Variants in RPS6KC1 observed in about 807,000 individuals in gnomAD.
The protein encoded by RPS6KC1 is inactive ribosomal protein S6 kinase delta-1.
In RPS6KC1, 54 loss-of-function variants were observed where a neutral mutation model predicts 103.8. The observed-to-expected ratio is 0.52, with a 90% confidence interval of 0.42 to 0.65. The LOEUF (loss-of-function observed/expected upper bound fraction) is 0.65. Among genes scored for constraint, RPS6KC1 ranks in the 30% least tolerant of loss-of-function variants. The pLI is 0.00. For missense variants in RPS6KC1, 1,151 were observed against 1,253.8 expected (o/e 0.92, Z 1.24); for synonymous variants, 439 against 438.7 (o/e 1.00, Z -0.01).
At chr1:213,505,189 A>G in the RPS6KC1 span, among the ~76,000 whole-genome samples, 2 of 152,100 alleles carry the variant, frequency 1.3e-5, no homozygotes, top group Non-Finnish European at 2.9e-5. Flanking sequence ...ACTCTCTCCA[A>G]TTCAGGACTG....
chr1:213,412,645 C>T, the RPS6KC1 span, among the ~76,000 whole-genome samples: 1 of 152,240 alleles, frequency 6.6e-6, no homozygotes, highest in South Asian at 2.1e-4. Flanking sequence ...GACTTTCAAT[C>T]TGGGGAGAGC....
the RPS6KC1 span, among the ~76,000 whole-genome samples, chr1:213,331,929 G>A: frequency 1.3e-5 from 2 of 151,476 alleles, no homozygotes; most frequent in African/African-American, 4.9e-5. Flanking sequence ...CTGTTTTTGT[G>A]GATCTTCCCC....
chr1:213,405,010 C>T, the RPS6KC1 span, among the ~76,000 whole-genome samples: 4 of 152,324 alleles, frequency 2.6e-5, no homozygotes, highest in East Asian at 1.9e-4. Flanking sequence ...AATTCTGCGG[C>T]GTAACCCAAT....
the RPS6KC1 span, among the ~76,000 whole-genome samples, chr1:213,404,486 T>C: frequency 6.6e-6 from 1 of 152,180 alleles, no homozygotes; most frequent in African/African-American, 2.4e-5. Context: ...CCTCCTCCCC[T>C]CCCTTCTTTT....
the RPS6KC1 span, among the ~76,000 whole-genome samples, chr1:213,798,610 T>C: frequency 6.6e-6 from 1 of 152,166 alleles, no homozygotes; most frequent in Non-Finnish European, 1.5e-5. Flanking sequence ...ACGTGCCCAG[T>C]GACCTCAAAT....
At chr1:213,477,799 T>C in the RPS6KC1 span, among the ~76,000 whole-genome samples, 1 of 152,214 alleles carries the variant, frequency 6.6e-6, no homozygotes, top group Non-Finnish European at 1.5e-5. Context: ...TCTCCCTGCA[T>C]GTATAATTCC....
intron 5 of RPS6KC1, among the ~76,000 whole-genome samples, chr1:213,121,326 A>G (rs2084360953): frequency 6.6e-6 from 1 of 152,200 alleles, no homozygotes; most frequent in Non-Finnish European, 1.5e-5. Flanking sequence ...TAAACTGGTA[A>G]ATATAGTTTG....
the RPS6KC1 span, among the ~76,000 whole-genome samples, chr1:213,466,733 G>A: frequency 6.6e-6 from 1 of 152,114 alleles, no homozygotes; most frequent in South Asian, 2.1e-4. Flanking sequence ...CAGTGTCTCT[G>A]GTTCAGAGTC....
chr1:213,774,257 A>G, the RPS6KC1 span, among the ~76,000 whole-genome samples: 1 of 152,212 alleles, frequency 6.6e-6, no homozygotes, highest in Non-Finnish European at 1.5e-5. Context: ...ACCCTTTTAT[A>G]TTTGGAGAGA....
the RPS6KC1 span, among the ~76,000 whole-genome samples, chr1:213,576,101 C>T: frequency 3.3e-5 from 5 of 152,032 alleles, no homozygotes; most frequent in South Asian, 2.1e-4. Flanking sequence ...GATAGTGGCA[C>T]GCATACAGCT....
At chr1:213,715,106 C>T in the RPS6KC1 span, among the ~76,000 whole-genome samples, 1 of 152,066 alleles carries the variant, frequency 6.6e-6, no homozygotes, top group African/African-American at 2.4e-5. Context: ...TAGGTCTAGG[C>T]AGTAAGGCAG....
the RPS6KC1 span, among the ~76,000 whole-genome samples, chr1:213,710,947 C>A: frequency 5.3e-5 from 8 of 152,160 alleles, no homozygotes; most frequent in African/African-American, 9.7e-5. Flanking sequence ...CTGCCCTTAA[C>A]ATTTTTTCCT....
chr1:213,438,712 G>A, the RPS6KC1 span, among the ~76,000 whole-genome samples: 1 of 151,792 alleles, frequency 6.6e-6, no homozygotes, highest in Non-Finnish European at 1.5e-5. Context: ...TTAGGATTCA[G>A]CAAATACTTC....
intron 8 of RPS6KC1, among the ~76,000 whole-genome samples, chr1:213,210,190 C>T (rs1404570372): frequency 6.6e-6 from 1 of 152,122 alleles, no homozygotes; most frequent in Non-Finnish European, 1.5e-5. Context: ...TTTTACCCAA[C>T]CCCTGTTCAA....
At chr1:213,191,280 AAT>A (rs2092735007) in intron 8 of RPS6KC1, among the ~76,000 whole-genome samples, 1 of 152,116 alleles carries the variant, frequency 6.6e-6, no homozygotes, top group Non-Finnish European at 1.5e-5. Context: ...ATGAACATGG[AAT>A]ATCTTTCCCT....
chr1:213,593,063 ACAG>A, the RPS6KC1 span, among the ~76,000 whole-genome samples: 2 of 7,884 alleles, frequency 2.5e-4, no homozygotes, highest in Non-Finnish European at 8.2e-4. Context: ...AGCATTACAA[ACAG>A]TGTTCAGCAA....
the RPS6KC1 span, among the ~76,000 whole-genome samples, chr1:213,656,652 G>C: frequency 6.6e-6 from 1 of 152,206 alleles, no homozygotes; most frequent in Non-Finnish European, 1.5e-5. Flanking sequence ...CCATTACCCT[G>C]ATTCTGGGTC....
the RPS6KC1 span, among the ~76,000 whole-genome samples, chr1:213,581,101 C>T: frequency 2.0e-5 from 3 of 152,088 alleles, no homozygotes; most frequent in East Asian, 1.9e-4. Context: ...GAGAACTGTG[C>T]CTGGGCTGTG....
At chr1:213,493,594 T>G in the RPS6KC1 span, among the ~76,000 whole-genome samples, 47,126 of 152,104 alleles carry the variant, frequency 0.31, 7,489 homozygotes, top group Middle Eastern at 0.41. Flanking sequence ...TCCCTTCCCC[T>G]TGCCTCTGGA....
Sources: allele counts gnomAD v4.1 joint callset (sites outside exome capture counted in the v4.1 genomes callset), GRCh38; gene constraint gnomAD v4.1.1; transcripts MANE v1.5; gene names NCBI Gene and HGNC (gene_info 2026-07-23, HGNC 2026-07-21).